The following VAV3 variants were observed in gnomAD, a reference collection of about 807,000 sequenced individuals.
VAV3 encodes vav guanine nucleotide exchange factor 3, also known as guanine nucleotide exchange factor VAV3.
Under a neutral mutation model 131.2 loss-of-function variants are expected in VAV3, and 94 were observed. The observed-to-expected ratio is 0.72, with a 90% CI of 0.61 to 0.85. The LOEUF (loss-of-function observed/expected upper bound fraction) is 0.85. VAV3 is among the 40% of genes least tolerant of loss of function. VAV3 has a pLI of 0.00. For missense variants in VAV3, 939 were observed against 1,002.7 expected (o/e 0.94, Z 0.86); for synonymous variants, 349 against 342.0 (o/e 1.02, Z -0.22).
intron 2 of VAV3, among the ~76,000 whole-genome samples, chr1:107,869,324 TTTC>T (rs1159453466): frequency 2.6e-5 from 4 of 152,204 alleles, no homozygotes; most frequent in South Asian, 2.1e-4. Context: ...ATGAATTTTA[TTTC>T]TTATCTCACC....
At chr1:107,792,386 C>T (rs1391683164) in intron 2 of VAV3, among the ~76,000 whole-genome samples, 2 of 152,178 alleles carry the variant, frequency 1.3e-5, no homozygotes, top group African/African-American at 4.8e-5. Flanking sequence ...TGGCACACTG[C>T]AGCCTCAAAC....
intron 17 of VAV3, 33 bp from the exon 18 acceptor site, chr1:107,688,439 G>A (rs772344784): frequency 1.9e-6 from 3 of 1,613,032 alleles, no homozygotes; most frequent in African/African-American, 1.3e-5. Flanking sequence ...CATTGTCAGT[G>A]TAAAGTTATT....
intron 15 of VAV3, among the ~76,000 whole-genome samples, chr1:107,714,916 C>T (rs1661004745): frequency 1.3e-5 from 2 of 151,986 alleles, no homozygotes; most frequent in Non-Finnish European, 1.5e-5. Flanking sequence ...TCAAGATGGG[C>T]TTTATAGTAA....
chr1:107,608,919 G>T (rs1652509023), intron 22 of VAV3, among the ~76,000 whole-genome samples: 1 of 152,112 alleles, frequency 6.6e-6, no homozygotes, highest in Admixed American at 6.5e-5. Flanking sequence ...ATTAAAAATA[G>T]ATTCAGTCTT....
At chr1:107,917,330 C>T (rs975426502) in intron 1 of VAV3, among the ~76,000 whole-genome samples, 11 of 152,106 alleles carry the variant, frequency 7.2e-5, no homozygotes, top group East Asian at 3.9e-4. Flanking sequence ...CCAGGGACCA[C>T]GCTAAGCACT....
At chr1:107,664,182 C>T (rs998244230) in intron 19 of VAV3, among the ~76,000 whole-genome samples, 11 of 152,084 alleles carry the variant, frequency 7.2e-5, no homozygotes, top group African/African-American at 2.7e-4. Context: ...CCCTCCCCTC[C>T]TATTTTATTT....
intron 13 of VAV3, among the ~76,000 whole-genome samples, chr1:107,750,915 G>T (rs1663680867): frequency 6.6e-6 from 1 of 151,928 alleles, no homozygotes; most frequent in South Asian, 2.1e-4. Flanking sequence ...TAATAACTTA[G>T]ACAAACTAAT....
chr1:107,805,371 C>A (rs890697995), intron 2 of VAV3, among the ~76,000 whole-genome samples: 2 of 152,096 alleles, frequency 1.3e-5, no homozygotes, highest in Non-Finnish European at 2.9e-5. Context: ...TTTTTCTCCT[C>A]TGTGTAATTT....
Position 107,705,045 on chromosome 1 carries a change from C to A in VAV3, c.1519G>T (p.Asp507Tyr). 6.2e-7 allele frequency: 1 copy of A among 1,613,144 alleles called. No homozygotes were observed. The highest frequency in any genetic ancestry group is 8.5e-7 in the Non-Finnish European group (1 of 1,179,424). ...FEMALSNIRP[D>Y]YADSNFHDFK... ...TCGTGGAAATTGGAGTCTGCATAGT[C>A]TGGTCTTATGTTAGACCTAAAAAAA... is the stretch of plus-strand genomic sequence containing the variant. The change falls in exon 16 of 27, where the codon GAC becomes TAC. Residue 507 changes from aspartate to tyrosine, a missense_variant. By Grantham distance (160) the Asp-to-Tyr change is radical. Coordinates refer to ENST00000370056, the MANE Select transcript of VAV3 (RefSeq NM_006113.5).
chr1:107,798,097 A>C (rs1473762185), intron 2 of VAV3, among the ~76,000 whole-genome samples: 4 of 152,250 alleles, frequency 2.6e-5, no homozygotes, highest in Admixed American at 6.5e-5. Flanking sequence ...CTTTAAAAAA[A>C]TAAAGAGTAA....
At chr1:107,670,851 A>G (rs1315768136) in intron 19 of VAV3, among the ~76,000 whole-genome samples, 1 of 151,842 alleles carries the variant, frequency 6.6e-6, no homozygotes, top group African/African-American at 2.4e-5. Context: ...TTTTCCCCCA[A>G]TTTCTTCCTG....
intron 21 of VAV3, among the ~76,000 whole-genome samples, chr1:107,615,669 G>A (rs767227155): frequency 6.6e-6 from 1 of 152,128 alleles, no homozygotes; most frequent in Non-Finnish European, 1.5e-5. Context: ...GCAACATAGA[G>A]AATGGGAGAC....
At chr1:107,810,376 C>A (rs1469240455) in intron 2 of VAV3, among the ~76,000 whole-genome samples, 2 of 152,162 alleles carry the variant, frequency 1.3e-5, no homozygotes, top group African/African-American at 4.8e-5. Context: ...ATGTTTTCTT[C>A]TTGGAACCAG....
intron 1 of VAV3, among the ~76,000 whole-genome samples, chr1:107,901,005 T>A (rs1460436911): frequency 2.0e-5 from 3 of 152,168 alleles, no homozygotes; most frequent in Middle Eastern, 3.2e-3. Context: ...CACTTCCACA[T>A]AAAATCAAAC....
At chr1:107,735,322 T>A (rs1412200391) in intron 15 of VAV3, among the ~76,000 whole-genome samples, 1 of 151,822 alleles carries the variant, frequency 6.6e-6, no homozygotes, top group Non-Finnish European at 1.5e-5. Context: ...GCAAACACAT[T>A]CAAAAGCTAG....
Position 107,864,885 on chromosome 1 carries a change from C to CTGCT in VAV3, c.321+10012_321+10015dup, listed in dbSNP as rs1288801738. Among the ~76,000 whole-genome samples the CTGCT allele has an allele frequency of 3.9e-5, 6 of 152,274 alleles. No individual in the cohort carries two copies. In the South Asian group the frequency reaches 1.2e-3, roughly 32 times the overall value. ...CTTGAGAGCAGGGGGTCTTGACTAC[C>CTGCT]TGCTCCTCCACCCTGATAAACGAGC... On this transcript the variant is annotated intron_variant, in intron 2 of 26. Transcript: ENST00000370056.
rs1471653804 is a variant in VAV3 at position 107,638,454 on chromosome 1, A to G, written c.1914+4165T>C. ...TAATAGCATCAAAATGAAATATGAA[A>G]TAATTACAGATAAATATGACAAAAG... On this transcript the variant is annotated intron_variant, in intron 20 of 26. Transcript: ENST00000370056. 2.0e-5 allele frequency among the ~76,000 whole-genome samples: 3 copies of G among 152,340 alleles called. No individual in the cohort carries two copies. The South Asian group carries it at 6.2e-4, about 32-fold the overall frequency.
chr1:107,783,683 C>T (rs1665823570), intron 2 of VAV3, among the ~76,000 whole-genome samples: 1 of 152,052 alleles, frequency 6.6e-6, no homozygotes, highest in African/African-American at 2.4e-5. Flanking sequence ...CCTTTGTGTC[C>T]CCATAGGACC....
chr1:107,770,816 T>A (rs1240519655), intron 5 of VAV3, 88 bp from the exon 6 acceptor site: 2 of 1,058,084 alleles, frequency 1.9e-6, no homozygotes, highest in South Asian at 3.0e-5. Context: ...TTGCTGACTT[T>A]CTTAAACTTT....
Sources: allele counts gnomAD v4.1 joint callset (sites outside exome capture counted in the v4.1 genomes callset), GRCh38; gene constraint gnomAD v4.1.1; transcripts MANE v1.5; gene names NCBI Gene and HGNC (gene_info 2026-07-23, HGNC 2026-07-21).